Variants in QSER1 observed in about 807,000 individuals in gnomAD.
The protein encoded by QSER1 is glutamine and serine rich 1.
Under a neutral mutation model 158.5 loss-of-function variants are expected in QSER1, and 49 were observed. The ratio of observed to expected loss-of-function variants is 0.31; its 90% CI spans 0.25 to 0.39. The LOEUF (loss-of-function observed/expected upper bound fraction) is 0.39. QSER1 is among the 10% of genes least tolerant of loss of function. QSER1 has a pLI of 1.00. For synonymous variants in QSER1, 650 were observed against 715.5 expected (o/e 0.91, Z 1.46); for missense variants, 1,754 against 2,010.3 (o/e 0.87, Z 2.44).
intron 1 of QSER1, among the ~76,000 whole-genome samples, chr11:32,921,263 G>A (rs1240567003): frequency 6.6e-6 from 1 of 152,194 alleles, no homozygotes; most frequent in African/African-American, 2.4e-5. Context: ...CAGGTAGTAT[G>A]ATTCAGTTTT....
At chr11:32,913,032 C>T (rs913134147) in intron 1 of QSER1, among the ~76,000 whole-genome samples, 2 of 152,082 alleles carry the variant, frequency 1.3e-5, no homozygotes, top group African/African-American at 4.8e-5. Flanking sequence ...CTGTCTACCT[C>T]ATATCCCTGT....
intron 1 of QSER1, among the ~76,000 whole-genome samples, chr11:32,907,665 G>A (rs946017385): frequency 1.3e-5 from 2 of 152,154 alleles, no homozygotes; most frequent in South Asian, 2.1e-4. Flanking sequence ...TCATTCCTTT[G>A]TAGCCAAAAT....
intron 4 of QSER1, among the ~76,000 whole-genome samples, chr11:32,937,781 A>C (rs112693833): frequency 6.6e-6 from 1 of 152,208 alleles, no homozygotes; most frequent in African/African-American, 2.4e-5. Flanking sequence ...CTGCTGTGAC[A>C]ATTGAATTTT....
rs142280536 is a variant in QSER1, at chr11:32,919,735, T to A, written c.210-7422T>A. 7.4e-4 allele frequency among the ~76,000 whole-genome samples: 112 copies of A among 152,290 alleles called. 2 individuals carry two copies. The East Asian group carries it at 0.021, about 28-fold the overall frequency. ...GGTCTCCCTCCTTCAGGGTAGAGAA[T>A]CTACATAAATTAATTGGGAATTCTT... On this transcript the variant is annotated intron_variant, in intron 1 of 12. Transcript: ENST00000650167.
intron 8 of QSER1, among the ~76,000 whole-genome samples, chr11:32,958,409 A>G (rs1852562706): frequency 6.6e-6 from 1 of 150,988 alleles, no homozygotes; most frequent in African/African-American, 2.4e-5. Flanking sequence ...TTTTTTTGAG[A>G]CAAGGTTTCA....
rs1268415907 is a variant in QSER1 at position 32,953,895 on chromosome 11, A to G, written c.4216A>G (p.Thr1406Ala). Residue 1406 changes from threonine to alanine, a missense_variant, in exon 5 of 13, where the codon ACT becomes GCT. Coordinates refer to ENST00000650167, the MANE Select transcript of QSER1 (RefSeq NM_001076786.3). ...GGCAACTACTAGCCCAACTGCCAATACTACTGGTACTGCTACTACTTCCTC... is the reference window on the plus strand; with the variant it reads ...GGCAACTACTAGCCCAACTGCCAATGCTACTGGTACTGCTACTACTTCCTC... ...QVATTSPTAN[T>A]TGTATTSSTT... 1.2e-6 allele frequency: 2 copies of G among 1,613,912 alleles called. No individual in the cohort carries two copies. Among genetic ancestry groups the G allele is most frequent in the African/African-American group, 2.7e-5 (2 of 74,932 alleles).
chr11:32,969,912 T>G (rs1852821261), intron 10 of QSER1, among the ~76,000 whole-genome samples: 1 of 152,158 alleles, frequency 6.6e-6, no homozygotes. Flanking sequence ...CTCGAACTCC[T>G]GACCTCAGAT....
Position 32,934,264 on chromosome 11 carries a change from T to C in QSER1, c.3006T>C (p.Thr1002=). ...CACCTACTGATTTTTCCAAGTCAAC[T>C]TCAAATGAAACCATGCAGGCTGTTG... ...GVTPTDFSKS[T]SNETMQAVED... Residue 1002 remains threonine, a synonymous_variant, in exon 4 of 13, where the codon ACT becomes ACC. Transcript: ENST00000650167. 1.2e-6 allele frequency: 2 copies of C among 1,614,070 alleles called. No homozygotes were observed. Among genetic ancestry groups the C allele is most frequent in the Non-Finnish European group, 1.7e-6 (2 of 1,179,988 alleles).
At chr11:32,894,846 A>G (rs1851534930) in intron 1 of QSER1, among the ~76,000 whole-genome samples, 1 of 152,220 alleles carries the variant, frequency 6.6e-6, no homozygotes, top group Non-Finnish European at 1.5e-5. Flanking sequence ...GAGTTTCATG[A>G]AAGACGTTTG....
rs916893326 is a variant in QSER1 at position 32,935,097 on chromosome 11, C to T, written c.3839C>T (p.Ala1280Val). The change falls in exon 4 of 13, where the codon GCT (alanine) becomes GTT (valine). Residue 1280 changes from alanine to valine, a missense_variant. Physicochemically the swap from Ala to Val is moderately conservative, Grantham distance 64. Around this residue, in one of 2 missense-constraint regions of QSER1, gnomAD observed 1,707 missense variants for 1,919.6 expected, o/e 0.89. Coordinates refer to ENST00000650167, the MANE Select transcript of QSER1 (RefSeq NM_001076786.3). ...CCAGAAGTCAAAACAGGATTTATTG[C>T]TTCTTTCTTAGATTTTCTGAAATCC... ...KQPEVKTGFI[A>V]SFLDFLKSGP... 6.2e-7 allele frequency: 1 copy of T among 1,614,022 alleles called. No homozygotes were observed. The highest frequency in any genetic ancestry group is 8.5e-7 in the Non-Finnish European group (1 of 1,179,978).
chr11:32,896,789 ACTC>A (rs1851561552), intron 1 of QSER1, among the ~76,000 whole-genome samples: 1 of 151,934 alleles, frequency 6.6e-6, no homozygotes, highest in Non-Finnish European at 1.5e-5. Context: ...TATGATAAAT[ACTC>A]CTCTGAAAAA....
intron 8 of QSER1, 47 bp downstream of exon 8, chr11:32,958,133 C>T (rs773286593): frequency 7.7e-6 from 11 of 1,422,660 alleles, no homozygotes. Context: ...AGATTATCTA[C>T]ATGAGTGGTG....
chr11:32,957,978 G>A lies in QSER1; in HGVS notation c.4861G>A (p.Val1621Ile), dbSNP rs759945865. The change falls in exon 8 of 13, where the codon GTA becomes ATA. Residue 1621 changes from valine (V) to isoleucine (I), a missense_variant. Coordinates refer to ENST00000650167, the MANE Select transcript of QSER1 (RefSeq NM_001076786.3). ...SVKPKVKQPK[V>I]KAEPPPKKRK... ...GAAACCCAAAGTTAAACAGCCAAAA[G>A]TAAAGGCTGAGCCACCACCAAAGAA... The A allele has an allele frequency of 1.2e-6, 2 of 1,614,072 alleles. No individual in the cohort carries two copies. The highest frequency in any genetic ancestry group is 1.7e-6 in the Non-Finnish European group (2 of 1,179,996).
intron 7 of QSER1, among the ~76,000 whole-genome samples, chr11:32,957,124 CTTTTTTTTTCTTTTT>C (rs1852528987): frequency 7.1e-6 from 1 of 140,190 alleles, no homozygotes; most frequent in African/African-American, 2.6e-5. Context: ...TCTTTTTTTT[CTTTTTTTTTCTTTTT>C]TTTTTTTTTT....
intron 1 of QSER1, among the ~76,000 whole-genome samples, chr11:32,913,371 T>C (rs917507273): frequency 4.6e-5 from 7 of 151,712 alleles, no homozygotes; most frequent in African/African-American, 1.5e-4. Flanking sequence ...TTTGTATTTA[T>C]TTTAGTAGAG....
At chr11:32,929,985 A>C (rs1669720871) in intron 3 of QSER1, among the ~76,000 whole-genome samples, 1 of 152,240 alleles carries the variant, frequency 6.6e-6, no homozygotes, top group Non-Finnish European at 1.5e-5. Context: ...TGATAATGTC[A>C]GTCACTATGT....
intron 4 of QSER1, among the ~76,000 whole-genome samples, chr11:32,947,557 G>A (rs1852356842): frequency 6.6e-6 from 1 of 152,146 alleles, no homozygotes; most frequent in African/African-American, 2.4e-5. Flanking sequence ...AGGGAGTGAT[G>A]GATAGATTAA....
chr11:32,945,537 T>C (rs1852316148), intron 4 of QSER1, among the ~76,000 whole-genome samples: 1 of 152,224 alleles, frequency 6.6e-6, no homozygotes, highest in South Asian at 2.1e-4. Flanking sequence ...TTGAAAATTC[T>C]TTTCTTTAAG....
At position 32,932,859 on chromosome 11, in the gene QSER1, T is replaced by C; in HGVS notation, c.1601T>C (p.Val534Ala). 6.2e-7 allele frequency: 1 copy of C among 1,614,116 alleles called. No homozygotes were observed. The highest frequency in any genetic ancestry group is 8.5e-7 in the Non-Finnish European group (1 of 1,180,010). ...SSNQQEVLSSVTNENYPAQTR... is the reference protein window; with the variant it reads ...SSNQQEVLSSATNENYPAQTR... The stretch of plus-strand genomic sequence containing the variant: ...AATCAGCAAGAGGTATTGTCTTCAG[T>C]TACAAATGAGAATTACCCTGCTCAA... Residue 534 changes from valine (V) to alanine (A), a missense_variant, in exon 4 of 13, where the codon GTT becomes GCT. Around this residue, in one of 2 missense-constraint regions of QSER1, gnomAD observed 1,707 missense variants for 1,919.6 expected, o/e 0.89. Coordinates refer to ENST00000650167, the MANE Select transcript of QSER1 (RefSeq NM_001076786.3).
Sources: allele counts gnomAD v4.1 joint callset (sites outside exome capture counted in the v4.1 genomes callset), GRCh38; gene constraint gnomAD v4.1.1; regional missense constraint gnomAD v4.1.1; transcripts MANE v1.5; gene names NCBI Gene and HGNC (gene_info 2026-07-23, HGNC 2026-07-21).